The following EXOC2 variants were observed in gnomAD, a reference collection of about 807,000 sequenced individuals.
EXOC2 encodes the protein SEC5-like 1.
A neutral mutation model predicts 131.8 loss-of-function variants in EXOC2; 70 were observed. The observed-to-expected ratio is 0.53, with a 90% CI of 0.44 to 0.65. The LOEUF is 0.65. EXOC2 is among the 30% of genes least tolerant of loss of function. The pLI, the probability that EXOC2 is intolerant of heterozygous loss-of-function variation, is 0.00. For missense variants in EXOC2, 923 were observed against 1,108.6 expected, an observed-to-expected ratio of 0.83 and a Z score of 2.38; for synonymous variants, 411 against 398.4, an observed-to-expected ratio of 1.03 and a Z score of -0.38.
At chr6:553,107 G>A (rs1757233747) in intron 21 of EXOC2, among the ~76,000 whole-genome samples, 1 of 152,074 alleles carries the variant, frequency 6.6e-6, no homozygotes, top group South Asian at 2.1e-4. Context: ...TGGTACAGAC[G>A]AGGTTTTGCC....
At position 507,876 on chromosome 6, in the gene EXOC2, A is replaced by C. The variant is rs1015348157; in HGVS notation, c.2381-8176T>G. 2.0e-5 allele frequency among the ~76,000 whole-genome samples: 3 copies of C among 152,194 alleles called. No individual in the cohort carries two copies. In the East Asian group the frequency reaches 5.8e-4, roughly 29 times the overall value. ...GACATTAAAGAATAAAATATTGAAC[A>C]CTTTGGATTCACCAAGTCTTCGTCC... is the stretch of plus-strand genomic sequence containing the variant. On this transcript the variant is annotated intron_variant, in intron 23 of 27. Coordinates refer to ENST00000230449, the MANE Select transcript of EXOC2 (RefSeq NM_018303.6).
intron 25 of EXOC2, among the ~76,000 whole-genome samples, chr6:494,604 C>T (rs1236709572): frequency 5.9e-5 from 9 of 152,166 alleles, no homozygotes. Context: ...CCCTAGGAAC[C>T]CCCACCACCC....
At chr6:609,433 C>A (rs2127661683) in intron 7 of EXOC2, among the ~76,000 whole-genome samples, 1 of 152,296 alleles carries the variant, frequency 6.6e-6, no homozygotes, top group East Asian at 1.9e-4. Context: ...TATTTTTAAG[C>A]CACTAACATC....
intron 11 of EXOC2, among the ~76,000 whole-genome samples, chr6:580,621 T>C (rs932418467): frequency 6.6e-6 from 1 of 152,182 alleles, no homozygotes; most frequent in African/African-American, 2.4e-5. Flanking sequence ...AGTTTGAAAT[T>C]GAGGCAGGGA....
chr6:642,213 T>A (rs1485372928), intron 1 of EXOC2, among the ~76,000 whole-genome samples: 2 of 152,218 alleles, frequency 1.3e-5, no homozygotes, highest in Admixed American at 6.5e-5. Flanking sequence ...GTCTCCCTGA[T>A]CCCTCCTTCT....
intron 1 of EXOC2, among the ~76,000 whole-genome samples, chr6:654,837 A>AAAAAAAAAAAT (rs1762996645): frequency 7.1e-6 from 1 of 141,140 alleles, no homozygotes; most frequent in Non-Finnish European, 1.5e-5. Flanking sequence ...AAAAAAAAAA[A>AAAAAAAAAAAT]GTAGAGCCTT....
chr6:670,742 GAA>G (rs1581663857), intron 1 of EXOC2, among the ~76,000 whole-genome samples: 1 of 152,186 alleles, frequency 6.6e-6, no homozygotes, highest in African/African-American at 2.4e-5. Flanking sequence ...CATCACATAA[GAA>G]AATGTTCTGT....
rs1763931772 is a variant in EXOC2, at chr6:499,629, T to C, written c.2436+16A>G. ...TGGTTATCCATATCTCTTAGGAACATCTAATGATACTTTACCTCTGCATGC... is the reference window on the plus strand; with the variant it reads ...TGGTTATCCATATCTCTTAGGAACACCTAATGATACTTTACCTCTGCATGC... On this transcript the variant is annotated intron_variant, in intron 24 of 27. Coordinates refer to ENST00000230449, the MANE Select transcript of EXOC2 (RefSeq NM_018303.6). The C allele has an allele frequency of 6.2e-7, 1 of 1,608,184 alleles. No individual in the cohort carries two copies. Among genetic ancestry groups the C allele is most frequent in the Middle Eastern group, 1.7e-4 (1 of 6,048 alleles).
intron 1 of EXOC2, among the ~76,000 whole-genome samples, chr6:662,711 C>A (rs544382796): frequency 1.4e-4 from 22 of 152,212 alleles, no homozygotes; most frequent in Admixed American, 7.9e-4. Flanking sequence ...TCTGAAAGAG[C>A]ACAAACAGAT....
At chr6:501,270 A>T (rs865888084) in intron 23 of EXOC2, among the ~76,000 whole-genome samples, 1 of 10,514 alleles carries the variant, frequency 9.5e-5, no homozygotes. Context: ...TCTATATATT[A>T]TATATATCTA....
chr6:532,476 AG>A lies in EXOC2; in HGVS notation c.2372del (p.Pro791LeufsTer9). 1 of 1,591,044 alleles carries A rather than the reference AG, an allele frequency of 6.3e-7. No homozygotes were observed. Among genetic ancestry groups the A allele is most frequent in the Non-Finnish European group, 8.5e-7 (1 of 1,172,492 alleles). On this transcript the variant is annotated frameshift_variant, in exon 23 of 28. Transcript: ENST00000230449. LOFTEE classifies it high-confidence loss of function. Reference protein sequence around the residue: ...AGYFDWKDCLPPTGVRNYLKE... With the variant: ...AGYFDWKDCLXPTGVRNYLKE... ...AGAAACTTTATTACTTACCTGTTGGAGGCAGGCAGTCCTTCCAATCAAAATA... is the reference window on the plus strand; with the variant it reads ...AGAAACTTTATTACTTACCTGTTGGAGCAGGCAGTCCTTCCAATCAAAATA...
intron 11 of EXOC2, among the ~76,000 whole-genome samples, chr6:581,252 C>T (rs72835947): frequency 0.16 from 23,901 of 149,108 alleles, 1,964 homozygotes; most frequent in South Asian, 0.22. Context: ...GCCAAGATCA[C>T]ATCACCGCAC....
chr6:488,927 A>C (rs1288337129), intron 27 of EXOC2, 52 bp downstream of exon 27: 1 of 1,541,968 alleles, frequency 6.5e-7, no homozygotes, highest in East Asian at 2.3e-5. Flanking sequence ...TAGGAAACAA[A>C]ACCTTGTTGA....
At chr6:524,140 A>C (rs1035900959) in intron 23 of EXOC2, 1 of 152,164 alleles carries the variant, frequency 6.6e-6, no homozygotes, top group Non-Finnish European at 1.5e-5. Context: ...GGAAAGAAAA[A>C]TGTCTTATAA....
chr6:608,134 A>G (rs1760520010), intron 7 of EXOC2, among the ~76,000 whole-genome samples: 1 of 152,216 alleles, frequency 6.6e-6, no homozygotes, highest in African/African-American at 2.4e-5. Context: ...AATAAATTCA[A>G]TTTTCAACAG....
At chr6:596,787 A>G (rs1759843684) in intron 10 of EXOC2, among the ~76,000 whole-genome samples, 1 of 152,222 alleles carries the variant, frequency 6.6e-6, no homozygotes, top group African/African-American at 2.4e-5. Context: ...AAAAACCATT[A>G]AATTTGGAAA....
intron 1 of EXOC2, among the ~76,000 whole-genome samples, chr6:668,764 A>G (rs940142622): frequency 1.3e-5 from 2 of 152,236 alleles, no homozygotes; most frequent in African/African-American, 4.8e-5. Flanking sequence ...AAAATTGCAT[A>G]GTATTTGCAT....
intron 7 of EXOC2, among the ~76,000 whole-genome samples, chr6:609,536 C>T (rs779205069): frequency 1.3e-5 from 2 of 152,190 alleles, no homozygotes; most frequent in African/African-American, 4.8e-5. Context: ...AGACAAGGGA[C>T]GTGGACAGAA....
At chr6:528,166 C>T (rs1003460700) in intron 23 of EXOC2, among the ~76,000 whole-genome samples, 6 of 151,800 alleles carry the variant, frequency 4.0e-5, no homozygotes, top group East Asian at 1.9e-4. Context: ...AACATCGCTA[C>T]GGCTTTAACG....
Sources: allele counts gnomAD v4.1 joint callset (sites outside exome capture counted in the v4.1 genomes callset), GRCh38; gene constraint gnomAD v4.1.1; transcripts MANE v1.5; gene names NCBI Gene and HGNC (gene_info 2026-07-23, HGNC 2026-07-21).